The following COL11A2 variants were observed in gnomAD, a reference collection of about 807,000 sequenced individuals.
COL11A2 encodes collagen type XI alpha 2 chain, also known as collagen alpha-2(XI) chain.
A neutral mutation model predicts 273.4 loss-of-function variants in COL11A2; 116 were observed. That is an observed-to-expected ratio of 0.42 (90% CI 0.36 to 0.49). COL11A2 has a LOEUF of 0.49. Among genes scored for constraint, COL11A2 ranks in the 20% least tolerant of loss-of-function variants. The probability of loss-of-function intolerance (pLI) is 0.00; values close to 1 mark genes in which losing one functional copy is unlikely to be tolerated. For synonymous variants in COL11A2, 782 were observed against 864.2 expected, an observed-to-expected ratio of 0.90 and a Z score of 1.67; for missense variants, 1,866 against 2,309.0, an observed-to-expected ratio of 0.81 and a Z score of 3.93.
intron 54 of COL11A2, among the ~76,000 whole-genome samples, chr6:33,168,201 GA>G (rs978974710): frequency 2.0e-5 from 3 of 152,028 alleles, no homozygotes; most frequent in Non-Finnish European, 4.4e-5. Flanking sequence ...TACCCCTGGT[GA>G]AAACATACAC....
rs1772999305 is a variant in COL11A2 at position 33,190,683 on chromosome 6, C to A, written c.83-1214G>T. ...GAGCCGGGAAACCACGGCCTTCCCCCCCAACCCCCACCTAAGCCTGGCCCC... is the reference window on the plus strand; with the variant it reads ...GAGCCGGGAAACCACGGCCTTCCCCACCAACCCCCACCTAAGCCTGGCCCC... On this transcript the variant is annotated intron_variant, in intron 1 of 65. Transcript: ENST00000341947. The surrounding 1 kb of genome is among the most constrained non-coding windows in gnomAD (Gnocchi z 4.5). Among the ~76,000 whole-genome samples, 1 of 152,132 alleles carries A rather than the reference C, an allele frequency of 6.6e-6. No homozygotes were observed. The highest frequency in any genetic ancestry group is 1.5e-5 in the Non-Finnish European group (1 of 68,014).
Position 33,167,952 on chromosome 6 carries a change from C to G in COL11A2, c.3961-100G>C. On this transcript the variant is annotated intron_variant, in intron 54 of 65. Coordinates refer to ENST00000341947, the MANE Select transcript of COL11A2 (RefSeq NM_080680.3). This position sits in a 1 kb window ranked among gnomAD's most constrained non-coding sequence, Gnocchi z 6.1. ...AGACACACACATACACATGCACACA[C>G]ACACGTGCATACACAGGGACACGCG... 1 of 1,260,588 alleles carries G rather than the reference C, an allele frequency of 7.9e-7. No individual in the cohort carries two copies. The highest frequency in any genetic ancestry group is 2.4e-5 in the East Asian group (1 of 42,236). The allele number at this position is 1,260,588 out of a possible 1,614,324, so 78.1% of individuals were successfully genotyped here.
intron 52 of COL11A2, 95 bp downstream of exon 52, chr6:33,168,860 C>T (rs1199896047): frequency 2.4e-5 from 39 of 1,604,950 alleles, no homozygotes; most frequent in Non-Finnish European, 3.1e-5. Flanking sequence ...GCCATACCCC[C>T]GGCTTCCCAA....
At chr6:33,168,390 G>GCACA in intron 54 of COL11A2, 129 bp downstream of exon 54, 2 of 1,025,760 alleles carry the variant, frequency 1.9e-6, no homozygotes, top group Non-Finnish European at 3.0e-6. Context: ...ACCAGCTCCT[G>GCACA]CACACACACA....
At position 33,166,185 on chromosome 6, in the gene COL11A2, C is replaced by T. The variant is rs1769110779; in HGVS notation, c.4414G>A (p.Ala1472Thr). The change falls in exon 61 of 66, where the codon GCC (alanine) becomes ACC (threonine). Residue 1472 changes from alanine to threonine, a missense_variant. By Grantham distance (58) the Ala-to-Thr change is moderately conservative. Transcript: ENST00000341947. The surrounding 1 kb of genome is among the most constrained non-coding windows in gnomAD (Gnocchi z 4.8). Reference sequence around the variant, plus strand: ...GGGTCACTCACTGTGGCTCCTTTGGCTCCTTTGGGGCCAGCAGGTCCCTGT... The same window carrying T: ...GGGTCACTCACTGTGGCTCCTTTGGTTCCTTTGGGGCCAGCAGGTCCCTGT... ...GLPGPAGPKG[A>T]KGATGPGGPK... 6.2e-7 allele frequency: 1 copy of T among 1,605,664 alleles called. No individual in the cohort carries two copies. The highest frequency in any genetic ancestry group is 2.2e-5 in the East Asian group (1 of 44,670).
intron 12 of COL11A2, 50 bp downstream of exon 12, chr6:33,180,208 A>G (rs1346427493): frequency 8.3e-6 from 13 of 1,557,576 alleles, no homozygotes; most frequent in African/African-American, 1.4e-5. Flanking sequence ...ACATGACACA[A>G]TTCCTTGTCT....
rs1048004384 is a variant in COL11A2, at chr6:33,166,633, A to C, written c.4339-67T>G. The C allele has an allele frequency of 1.2e-6, 2 of 1,610,704 alleles. No homozygotes were observed. Among genetic ancestry groups the C allele is most frequent in the African/African-American group, 2.7e-5 (2 of 74,708 alleles). ...CACCCTCCTGAGCACCTGCTCGCTT[A>C]CCCACAGCTGAGTCCCAACTCCAAC... On this transcript the variant is annotated intron_variant, in intron 59 of 65. Transcript: ENST00000341947. This position sits in a 1 kb window ranked among gnomAD's most constrained non-coding sequence, Gnocchi z 4.8.
Position 33,172,080 on chromosome 6 carries a change from A to C in COL11A2, c.3012T>G (p.Asn1004Lys), listed in dbSNP as rs777011804. ...GGCCAGGGGGGCCAGACGGACCTTC[A>C]TTCCCCTTCAAACCAGGTCCACCCT... ...GTAGGPGLKG[N>K]EGPSGPPGPA... The change falls in exon 41 of 66, where the codon AAT becomes AAG. Residue 1004 changes from asparagine (N) to lysine (K), a missense_variant. By Grantham distance (94) the Asn-to-Lys change is moderately conservative. Transcript: ENST00000341947. 6.2e-7 allele frequency: 1 copy of C among 1,612,662 alleles called. No individual in the cohort carries two copies. Among genetic ancestry groups the C allele is most frequent in the Non-Finnish European group, 8.5e-7 (1 of 1,179,938 alleles).
At position 33,178,014 on chromosome 6, in the gene COL11A2, C is replaced by G; in HGVS notation, c.1872+118G>C. 9.0e-7 allele frequency: 1 copy of G among 1,112,974 alleles called. No homozygotes were observed. Among genetic ancestry groups the G allele is most frequent in the Non-Finnish European group, 1.3e-6 (1 of 758,210 alleles). The allele number at this position is 1,112,974 out of a possible 1,614,324, so 68.9% of individuals were successfully genotyped here. A position where few individuals can be genotyped will look rare whatever the true frequency, so the allele number is the denominator to read the frequency against. On this transcript the variant is annotated intron_variant, in intron 21 of 65. Coordinates refer to ENST00000341947, the MANE Select transcript of COL11A2 (RefSeq NM_080680.3). This position sits in a 1 kb window ranked among gnomAD's most constrained non-coding sequence, Gnocchi z 4.6. ...CAGTGTGGGGCCAGAGCAGGGGGAG[C>G]TCACAGGGAATGGGAAGCATGCCGA...
Position 33,185,764 on chromosome 6 carries a change from G to A in COL11A2, c.813C>T (p.Leu271=), listed in dbSNP as rs143505163. 3.7e-4 allele frequency: 506 copies of A among 1,351,152 alleles called. No individual in the cohort carries two copies. The highest frequency in any genetic ancestry group is 4.8e-4 in the Non-Finnish European group (489 of 1,009,264). The allele number at this position is 1,351,152 out of a possible 1,614,324, so 83.7% of individuals were successfully genotyped here. A position where few individuals can be genotyped will look rare whatever the true frequency, so the allele number is the denominator to read the frequency against. ...AATAGGGGGGCTCGTAGTCATAGTA[G>A]AGAGACTCAGTGGGCTGGGATTGGG... ...QEPQSQPTES[L]YYDYEPPYYD... The change falls in exon 6 of 66, where the codon CTC becomes CTT. Residue 271 remains leucine (L), a synonymous_variant. Transcript: ENST00000341947.
intron 40 of COL11A2, 70 bp from the exon 41 acceptor site, chr6:33,172,173 C>T: frequency 6.2e-7 from 1 of 1,603,168 alleles, no homozygotes. Context: ...AGAGGGAAGA[C>T]AGGCTCCAAA....
intron 8 of COL11A2, among the ~76,000 whole-genome samples, chr6:33,181,477 GT>G (rs1278262860): frequency 1.3e-5 from 2 of 151,968 alleles, no homozygotes; most frequent in East Asian, 3.9e-4. Flanking sequence ...TTGTTTGTTT[GT>G]TTTTCTTTTT....
Position 33,173,570 on chromosome 6 carries a change from G to T in COL11A2, c.2629-15C>A, listed in dbSNP as rs746790889. On this transcript the variant is annotated splice_polypyrimidine_tract_variant and intron_variant, in intron 35 of 65. Coordinates refer to ENST00000341947, the MANE Select transcript of COL11A2 (RefSeq NM_080680.3). This position sits in a 1 kb window ranked among gnomAD's most constrained non-coding sequence, Gnocchi z 6.3. ...CCAGGGAGGCCCTAGAGACAGAGGTGGGGGGAGTCAGGAGAATGGGGGCAG... is the reference window on the plus strand; with the variant it reads ...CCAGGGAGGCCCTAGAGACAGAGGTTGGGGGAGTCAGGAGAATGGGGGCAG... The T allele has an allele frequency of 2.7e-6, 4 of 1,479,826 alleles. No homozygotes were observed. The South Asian group carries it at 3.4e-5, about 13-fold the overall frequency. The allele number at this position is 1,479,826 out of a possible 1,614,324, so 91.7% of individuals were successfully genotyped here.
rs1363109689 is a variant in COL11A2, at chr6:33,167,410, C to T, written c.4122+16G>A. 2 of 1,496,230 alleles carry T rather than the reference C, an allele frequency of 1.3e-6. No homozygotes were observed. The highest frequency in any genetic ancestry group is 3.4e-5 in the Admixed American group (2 of 59,360). The allele number at this position is 1,496,230 out of a possible 1,614,324, so 92.7% of individuals were successfully genotyped here. ...TCACTCCCACCCCAGCCCAGCCCTT[C>T]CCTGCAGTGACTCACCACTGAGCCT... On this transcript the variant is annotated intron_variant, in intron 56 of 65. Coordinates refer to ENST00000341947, the MANE Select transcript of COL11A2 (RefSeq NM_080680.3). This position sits in a 1 kb window ranked among gnomAD's most constrained non-coding sequence, Gnocchi z 6.1.
At position 33,164,451 on chromosome 6, in the gene COL11A2, C is replaced by G; in HGVS notation, c.4886G>C (p.Gly1629Ala). Reference sequence around the variant, plus strand: ...GAGCTGGACCACACCCACTGGGGAGCCCTCTGAGTCCACGTAAGAGAACTG... The same window carrying G: ...GAGCTGGACCACACCCACTGGGGAGGCCTCTGAGTCCACGTAAGAGAACTG... ...VTQFSYVDSE[G>A]SPVGVVQLTF... is the part of the protein sequence containing the mutation. The change falls in exon 65 of 66, where the codon GGC becomes GCC. Residue 1629 changes from glycine (G) to alanine (A), a missense_variant. Transcript: ENST00000341947. The surrounding 1 kb of genome is among the most constrained non-coding windows in gnomAD (Gnocchi z 4.7). 6.4e-7 allele frequency: 1 copy of G among 1,566,918 alleles called. No individual in the cohort carries two copies. Among genetic ancestry groups the G allele is most frequent in the East Asian group, 2.3e-5 (1 of 42,652 alleles).
At chr6:33,171,843 C>T (rs1345934042) in intron 41 of COL11A2, 23 bp from the exon 42 acceptor site, 4 of 1,610,922 alleles carry the variant, frequency 2.5e-6, no homozygotes, top group Non-Finnish European at 2.5e-6. Context: ...ATGGTCAGAC[C>T]CCCAGGAAGG....
rs538486400 is a variant in COL11A2 at position 33,190,457 on chromosome 6, G to T, written c.83-988C>A. ...GGCTCAAACTCCCTGGAAAACAAAA[G>T]ATCACCTTGCCCTCACTTGCTCCCC... is the stretch of plus-strand genomic sequence containing the variant. On this transcript the variant is annotated intron_variant, in intron 1 of 65. Transcript: ENST00000341947. The surrounding 1 kb of genome is among the most constrained non-coding windows in gnomAD (Gnocchi z 4.5). Among the ~76,000 whole-genome samples the T allele has an allele frequency of 1.6e-3, 243 of 152,226 alleles. 6 individuals are homozygous for T. The South Asian group carries it at 0.034, about 21-fold the overall frequency.
chr6:33,173,773 G>A lies in COL11A2; in HGVS notation c.2584-28C>T, dbSNP rs752261115. ...GTGGGGGGAAACAGAGTCAAGGAGT[G>A]GGAAGAGCTGCTTTCCAGCTGTCCC... On this transcript the variant is annotated intron_variant, in intron 34 of 65. Coordinates refer to ENST00000341947, the MANE Select transcript of COL11A2 (RefSeq NM_080680.3). This position sits in a 1 kb window ranked among gnomAD's most constrained non-coding sequence, Gnocchi z 6.3. 1.2e-6 allele frequency: 2 copies of A among 1,606,240 alleles called. No homozygotes were observed. The highest frequency in any genetic ancestry group is 1.1e-5 in the South Asian group (1 of 90,508).
Position 33,170,709 on chromosome 6 carries a change from G to T in COL11A2, c.3475-99C>A. On this transcript the variant is annotated intron_variant, in intron 46 of 65. Transcript: ENST00000341947. This position sits in a 1 kb window ranked among gnomAD's most constrained non-coding sequence, Gnocchi z 4.3. Reference sequence around the variant, plus strand: ...CAGTCCCCTCCCCTCAGACTCCGCAGGCCCTCCAGTCTGCATCGGCAGGCT... The same window carrying T: ...CAGTCCCCTCCCCTCAGACTCCGCATGCCCTCCAGTCTGCATCGGCAGGCT... The T allele has an allele frequency of 6.3e-7, 1 of 1,585,942 alleles. No homozygotes were observed. The highest frequency in any genetic ancestry group is 8.7e-7 in the Non-Finnish European group (1 of 1,155,584).
Sources: allele counts gnomAD v4.1 joint callset (sites outside exome capture counted in the v4.1 genomes callset), GRCh38; gene constraint gnomAD v4.1.1; non-coding constraint Gnocchi (gnomAD v3.1); transcripts MANE v1.5; gene names NCBI Gene and HGNC (gene_info 2026-07-23, HGNC 2026-07-21).